The following CEP135 variants were observed in gnomAD, a reference collection of about 807,000 sequenced individuals.
CEP135 encodes the protein centrosomal protein of 135 kDa.
Under a neutral mutation model 157.3 loss-of-function variants are expected in CEP135, and 142 were observed. That is an observed-to-expected ratio of 0.90 (90% CI 0.79 to 1.04). The LOEUF (loss-of-function observed/expected upper bound fraction) is 1.04, where lower values mean the gene tolerates loss of function less well. CEP135 is among the 50% of genes least tolerant of loss of function. The pLI is 0.00. For synonymous variants in CEP135, 396 were observed against 439.8 expected (o/e 0.90, Z 1.25); for missense variants, 1,317 against 1,309.2 (o/e 1.01, Z -0.09).
At chr4:55,964,464 T>C in intron 7 of CEP135, 62 bp downstream of exon 7, 1 of 1,352,770 alleles carries the variant, frequency 7.4e-7, no homozygotes, top group Non-Finnish European at 1.0e-6. Flanking sequence ...AAACACTATA[T>C]GTTTATAATG....
intron 14 of CEP135, 103 bp downstream of exon 14, chr4:55,985,461 T>G: frequency 2.5e-6 from 1 of 392,872 alleles, no homozygotes; most frequent in Non-Finnish European, 4.2e-6. Flanking sequence ...ATTTTTATTT[T>G]TATTTATTTT....
chr4:56,020,791 T>A lies in CEP135; in HGVS notation c.3320+11T>A. On this transcript the variant is annotated intron_variant, in intron 24 of 25. Coordinates refer to ENST00000257287, the MANE Select transcript of CEP135 (RefSeq NM_025009.5). Reference sequence around the variant, plus strand: ...TGAAAGATACGAACGGTAAGACAAATTTTTTTTACATTTGACAATGTTTTT... The same window carrying A: ...TGAAAGATACGAACGGTAAGACAAAATTTTTTTACATTTGACAATGTTTTT... 1 of 1,580,564 alleles carries A rather than the reference T, an allele frequency of 6.3e-7. No individual in the cohort carries two copies. Among genetic ancestry groups the A allele is most frequent in the Non-Finnish European group, 8.7e-7 (1 of 1,154,706 alleles).
intron 21 of CEP135, among the ~76,000 whole-genome samples, chr4:56,014,236 G>A (rs934960075): frequency 6.6e-6 from 1 of 152,166 alleles, no homozygotes; most frequent in Non-Finnish European, 1.5e-5. Flanking sequence ...CCAGAAAGTG[G>A]GTTGCTGCTA....
intron 14 of CEP135, among the ~76,000 whole-genome samples, chr4:55,986,168 A>T (rs1729573800): frequency 6.6e-6 from 1 of 152,158 alleles, no homozygotes; most frequent in South Asian, 2.1e-4. Flanking sequence ...CATATAAAGA[A>T]CTTAGAAGCG....
rs551280360 is a variant in CEP135, at chr4:55,964,382, A to G, written c.808A>G (p.Ile270Val). Residue 270 changes from isoleucine (I) to valine (V), a missense_variant, in exon 7 of 26, where the codon ATT becomes GTT. Coordinates refer to ENST00000257287, the MANE Select transcript of CEP135 (RefSeq NM_025009.5). ...ESRNKTNEKL[I>V]AHLNIQVDFL... ...TAGAAATAAAACCAATGAAAAGCTT[A>G]TTGCTCATTTAAATATTCAGGTAAT... is the stretch of plus-strand genomic sequence containing the variant. 1 of 1,608,532 alleles carries G rather than the reference A, an allele frequency of 6.2e-7. No homozygotes were observed. The highest frequency in any genetic ancestry group is 1.7e-5 in the Admixed American group (1 of 59,502).
intron 3 of CEP135, among the ~76,000 whole-genome samples, chr4:55,953,732 CTT>C (rs1255081030): frequency 6.6e-6 from 1 of 152,060 alleles, no homozygotes; most frequent in African/African-American, 2.4e-5. Context: ...CTTGAAACAA[CTT>C]TTGTTTTTCC....
intron 6 of CEP135, among the ~76,000 whole-genome samples, chr4:55,961,435 T>A (rs1728677037): frequency 6.6e-6 from 1 of 152,110 alleles, no homozygotes; most frequent in Non-Finnish European, 1.5e-5. Context: ...ATATTCCAGA[T>A]TTTGCTGTTT....
intron 15 of CEP135, among the ~76,000 whole-genome samples, chr4:55,993,279 T>C (rs1380170371): frequency 6.6e-6 from 1 of 152,080 alleles, no homozygotes; most frequent in Non-Finnish European, 1.5e-5. Context: ...CAAAAGTATA[T>C]AGTAAACAGA....
chr4:55,949,963 A>G (rs1728310280), intron 1 of CEP135, among the ~76,000 whole-genome samples: 1 of 152,212 alleles, frequency 6.6e-6, no homozygotes, highest in Non-Finnish European at 1.5e-5. Context: ...AGTTGGTAGC[A>G]AAGAGGGGAA....
At chr4:56,013,175 C>T (rs766274632) in intron 21 of CEP135, among the ~76,000 whole-genome samples, 15 of 152,122 alleles carry the variant, frequency 9.9e-5, no homozygotes, top group Admixed American at 2.0e-4. Flanking sequence ...TGTTTATTGA[C>T]GATTTGTGTA....
Position 55,974,867 on chromosome 4 carries a change from TAAGA to T in CEP135, c.1376_1379del (p.Lys459SerfsTer2), listed in dbSNP as rs777869134. 4 of 1,613,836 alleles carry T rather than the reference TAAGA, an allele frequency of 2.5e-6. No homozygotes were observed. In the South Asian group the frequency reaches 3.3e-5, roughly 13 times the overall value. On this transcript the variant is annotated frameshift_variant, in exon 11 of 26. Transcript: ENST00000257287. LOFTEE classifies it high-confidence loss of function. Reference sequence around the variant, plus strand: ...GTATAGAAGAAGAACGAGATTATTATAAGAAAGAGCTAGAGAGACTCCAACATAT... The same window carrying T: ...GTATAGAAGAAGAACGAGATTATTATAAGAGCTAGAGAGACTCCAACATAT...
chr4:56,028,525 C>G (rs566966386), intron 25 of CEP135, among the ~76,000 whole-genome samples: 1 of 151,950 alleles, frequency 6.6e-6, no homozygotes, highest in Admixed American at 6.6e-5. Context: ...ATTTACTAAT[C>G]CATTTCCCCT....
chr4:56,019,909 A>T (rs13135276), intron 23 of CEP135, among the ~76,000 whole-genome samples: 14,817 of 152,292 alleles, frequency 0.097, 1,104 homozygotes, highest in East Asian at 0.28. Context: ...ACTGCACTCC[A>T]TCCTGGGCGA....
At chr4:56,008,250 A>G (rs1160408433) in intron 17 of CEP135, 77 bp from the exon 18 acceptor site, 1 of 1,023,100 alleles carries the variant, frequency 9.8e-7, no homozygotes, top group Non-Finnish European at 1.5e-6. Context: ...TTTGAACTAT[A>G]TGAATATGAC....
intron 5 of CEP135, among the ~76,000 whole-genome samples, chr4:55,957,618 G>A (rs1243398118): frequency 6.6e-6 from 1 of 152,204 alleles, no homozygotes; most frequent in African/African-American, 2.4e-5. Context: ...TCAAGAACCT[G>A]TTTAAGTAGA....
intron 15 of CEP135, among the ~76,000 whole-genome samples, chr4:55,998,049 CT>C (rs1730036336): frequency 1.3e-5 from 2 of 152,158 alleles, no homozygotes; most frequent in African/African-American, 4.8e-5. Context: ...TGTGTTTTGT[CT>C]TTCAGAATAC....
At chr4:55,955,832 A>C (rs971617499) in intron 4 of CEP135, among the ~76,000 whole-genome samples, 12 of 152,228 alleles carry the variant, frequency 7.9e-5, no homozygotes, top group Non-Finnish European at 1.5e-5. Flanking sequence ...CAAGACATTC[A>C]TGTCTAAATT....
At chr4:56,023,900 A>G (rs1228150882) in intron 24 of CEP135, among the ~76,000 whole-genome samples, 1 of 139,450 alleles carries the variant, frequency 7.2e-6, no homozygotes, top group Non-Finnish European at 1.5e-5. Context: ...AATATATATA[A>G]TATATATTAT....
chr4:55,975,919 G>T (rs1729195630), intron 11 of CEP135, among the ~76,000 whole-genome samples: 1 of 152,040 alleles, frequency 6.6e-6, no homozygotes, highest in Admixed American at 6.6e-5. Context: ...GCTGAATTTT[G>T]ATTTACTGTT....
Sources: allele counts gnomAD v4.1 joint callset (sites outside exome capture counted in the v4.1 genomes callset), GRCh38; gene constraint gnomAD v4.1.1; transcripts MANE v1.5; gene names NCBI Gene and HGNC (gene_info 2026-07-23, HGNC 2026-07-21).